The following ITGB8 variants were observed in gnomAD, a reference collection of about 807,000 sequenced individuals.
The protein encoded by ITGB8 is integrin beta-8.
Under a neutral mutation model 89.5 loss-of-function variants are expected in ITGB8, and 30 were observed. The observed-to-expected ratio is 0.34, with a 90% CI of 0.25 to 0.45. ITGB8 has a LOEUF of 0.45. Among genes scored for constraint, ITGB8 ranks in the 20% least tolerant of loss-of-function variants. The pLI is 1.00. For synonymous variants in ITGB8, 335 were observed against 320.4 expected, an observed-to-expected ratio of 1.05 and a Z score of -0.49; for missense variants, 836 against 933.3, an observed-to-expected ratio of 0.90 and a Z score of 1.36.
chr7:20,370,967 G>T (rs1323790758), intron 3 of ITGB8, among the ~76,000 whole-genome samples: 1 of 152,078 alleles, frequency 6.6e-6, no homozygotes, highest in Non-Finnish European at 1.5e-5. Flanking sequence ...TTATTACAAG[G>T]TTAGTATAAC....
chr7:20,412,046 A>G lies in ITGB8; in HGVS notation c.*2049A>G, dbSNP rs1276949531. 3 of 152,654 alleles carry G rather than the reference A, an allele frequency of 2.0e-5. No individual in the cohort carries two copies. Among genetic ancestry groups the G allele is most frequent in the African/African-American group, 7.2e-5 (3 of 41,464 alleles). 9.5% of individuals were successfully genotyped at this position (152,654 alleles called of 1,614,324 possible). ...TTTTTTTTTATAATAAACTTCCAAG[A>G]TTTGCTGTCTTCCAGCACTTGAGTT... is the stretch of plus-strand genomic sequence containing the variant. On this transcript the variant is annotated 3_prime_UTR_variant, in exon 14 of 14. Coordinates refer to ENST00000222573, the MANE Select transcript of ITGB8 (RefSeq NM_002214.3).
At chr7:20,392,661 T>C (rs1786910846) in intron 7 of ITGB8, among the ~76,000 whole-genome samples, 1 of 152,176 alleles carries the variant, frequency 6.6e-6, no homozygotes, top group South Asian at 2.1e-4. Flanking sequence ...TGATTTCTCA[T>C]CATCCACCCC....
chr7:20,339,708 T>C (rs1784690356), intron 1 of ITGB8, among the ~76,000 whole-genome samples: 1 of 152,188 alleles, frequency 6.6e-6, no homozygotes, highest in Non-Finnish European at 1.5e-5. Context: ...TGCTTCTATT[T>C]TGAGTGCTAT....
chr7:20,359,049 T>G (rs1785401203), intron 1 of ITGB8, among the ~76,000 whole-genome samples: 1 of 152,236 alleles, frequency 6.6e-6, no homozygotes, highest in African/African-American at 2.4e-5. Context: ...ATTTTGCTCT[T>G]TCTTATGGCT....
At chr7:20,403,599 C>T (rs1044789265) in intron 10 of ITGB8, among the ~76,000 whole-genome samples, 1 of 152,164 alleles carries the variant, frequency 6.6e-6, no homozygotes, top group African/African-American at 2.4e-5. Context: ...AGGGCTTGGC[C>T]GACATTTGTC....
intron 9 of ITGB8, among the ~76,000 whole-genome samples, chr7:20,400,591 T>C (rs1290765823): frequency 6.6e-6 from 1 of 152,186 alleles, no homozygotes; most frequent in East Asian, 1.9e-4. Context: ...GAAAGAAATA[T>C]ACCTTCTTAT....
chr7:20,368,527 CTCT>C (rs1785796903), intron 3 of ITGB8, among the ~76,000 whole-genome samples: 1 of 152,102 alleles, frequency 6.6e-6, no homozygotes, highest in African/African-American at 2.4e-5. Flanking sequence ...ATCTTTATCT[CTCT>C]TTTTTGTGTA....
At chr7:20,349,630 C>T (rs1057245386) in intron 1 of ITGB8, among the ~76,000 whole-genome samples, 3 of 151,896 alleles carry the variant, frequency 2.0e-5, no homozygotes, top group South Asian at 2.1e-4. Flanking sequence ...AATCAAATGC[C>T]GTATATGCCG....
rs57324128 is a variant in ITGB8 at position 20,344,244 on chromosome 7, C to G, written c.127+12311C>G. On this transcript the variant is annotated intron_variant, in intron 1 of 13. Coordinates refer to ENST00000222573, the MANE Select transcript of ITGB8 (RefSeq NM_002214.3). ...ATGTCAAATGTGTTCTGATGCAAGACAGAACATTGCCGTCTTTTCTAAAGA... is the reference window on the plus strand; with the variant it reads ...ATGTCAAATGTGTTCTGATGCAAGAGAGAACATTGCCGTCTTTTCTAAAGA... Among the ~76,000 whole-genome samples, 1,415 of 152,056 alleles carry G rather than the reference C, an allele frequency of 9.3e-3. 29 individuals carry two copies. Among genetic ancestry groups the G allele is most frequent in the African/African-American group, 0.032 (1,326 of 41,472 alleles).
At chr7:20,381,596 C>T (rs2301727) in intron 5 of ITGB8, 131 bp from the exon 6 acceptor site, 68,225 of 636,036 alleles carry the variant, frequency 0.11, 5,166 homozygotes, top group East Asian at 0.38. Flanking sequence ...TACGCAGCAG[C>T]GTTGTACCCA....
At position 20,360,896 on chromosome 7, in the gene ITGB8, C is replaced by A. The variant is rs550540055; in HGVS notation, c.128-2741C>A. Among the ~76,000 whole-genome samples, 9 of 131,196 alleles carry A rather than the reference C, an allele frequency of 6.9e-5. No homozygotes were observed. In the East Asian group the frequency reaches 2.0e-3, roughly 29 times the overall value. The allele number at this position is 131,196 out of a possible 152,430, so 86.1% of individuals were successfully genotyped here. ...AGGACTGCTGAATCAAATGGTAGAT[C>A]TACTTTTGCAACTGCAGTCTTTTTT... On this transcript the variant is annotated intron_variant, in intron 1 of 13. Coordinates refer to ENST00000222573, the MANE Select transcript of ITGB8 (RefSeq NM_002214.3).
chr7:20,358,419 CTTT>C (rs548534753), intron 1 of ITGB8, among the ~76,000 whole-genome samples: 1 of 146,018 alleles, frequency 6.8e-6, no homozygotes. Flanking sequence ...TCATTTTTTT[CTTT>C]TTTTTTTTGT....
At chr7:20,382,545 G>A (rs1786441476) in intron 6 of ITGB8, among the ~76,000 whole-genome samples, 1 of 152,120 alleles carries the variant, frequency 6.6e-6, no homozygotes, top group Admixed American at 6.5e-5. Context: ...ATTTACTTCT[G>A]ATGTTGACAC....
intron 6 of ITGB8, among the ~76,000 whole-genome samples, chr7:20,388,244 C>T (rs1786708217): frequency 6.6e-6 from 1 of 152,130 alleles, no homozygotes; most frequent in Admixed American, 6.5e-5. Flanking sequence ...CTCCCTTTTG[C>T]CCCTGAAGTG....
At chr7:20,366,488 G>C (rs1228204019) in intron 2 of ITGB8, 1 of 152,402 alleles carries the variant, frequency 6.6e-6, no homozygotes, top group Non-Finnish European at 1.5e-5. Flanking sequence ...AACCAGGTCA[G>C]GCGCAGTGGC....
At chr7:20,391,896 T>C (rs780539761) in intron 7 of ITGB8, among the ~76,000 whole-genome samples, 5 of 152,200 alleles carry the variant, frequency 3.3e-5, no homozygotes, top group Admixed American at 1.3e-4. Flanking sequence ...AGGTTAAAAT[T>C]AGAGAATATC....
chr7:20,360,790 A>G (rs1378121008), intron 1 of ITGB8, among the ~76,000 whole-genome samples: 4 of 151,890 alleles, frequency 2.6e-5, no homozygotes, highest in African/African-American at 9.7e-5. Context: ...TGCCATTGTG[A>G]ATTGTACTGT....
At chr7:20,370,349 G>T (rs987123328) in intron 3 of ITGB8, among the ~76,000 whole-genome samples, 1 of 151,166 alleles carries the variant, frequency 6.6e-6, no homozygotes, top group Non-Finnish European at 1.5e-5. Context: ...TAATTTTCTA[G>T]GAAAATATGT....
chr7:20,387,482 T>A (rs568929350), intron 6 of ITGB8, among the ~76,000 whole-genome samples: 3 of 152,330 alleles, frequency 2.0e-5, no homozygotes, highest in Non-Finnish European at 4.4e-5. Flanking sequence ...CTGCCCAGTG[T>A]CACATAGCTA....
Sources: allele counts gnomAD v4.1 joint callset (sites outside exome capture counted in the v4.1 genomes callset), GRCh38; gene constraint gnomAD v4.1.1; transcripts MANE v1.5; gene names NCBI Gene and HGNC (gene_info 2026-07-23, HGNC 2026-07-21).